LRRCC1: variants seen among roughly 807,000 people sequenced by gnomAD.
LRRCC1 encodes leucine rich repeat and coiled-coil centrosomal protein 1.
LRRCC1 carries 115 observed loss-of-function variants against 126.0 expected under a neutral mutation model. That is an observed-to-expected ratio of 0.91 (90% CI 0.78 to 1.07). The LOEUF (loss-of-function observed/expected upper bound fraction) is 1.07. Ranked by LOEUF, LRRCC1 falls within the 50% of genes least tolerant of loss-of-function variation. LRRCC1 has a pLI of 0.00. For synonymous variants in LRRCC1, 400 were observed against 393.4 expected, an observed-to-expected ratio of 1.02 and a Z score of -0.20; for missense variants, 1,172 against 1,175.7, an observed-to-expected ratio of 1.00 and a Z score of 0.05.
At chr8:85,143,955 G>A (rs556025959) in intron 18 of LRRCC1, among the ~76,000 whole-genome samples, 2 of 152,238 alleles carry the variant, frequency 1.3e-5, no homozygotes, top group African/African-American at 4.8e-5. Flanking sequence ...AAGAGATTGA[G>A]AGATCTATAT....
At chr8:85,114,691 A>T (rs1022726089) in intron 4 of LRRCC1, among the ~76,000 whole-genome samples, 4 of 152,090 alleles carry the variant, frequency 2.6e-5, no homozygotes, top group African/African-American at 9.7e-5. Flanking sequence ...AAATTCTGGC[A>T]TTTTGGTCAT....
At chr8:85,142,513 C>A (rs1241771134) in intron 18 of LRRCC1, among the ~76,000 whole-genome samples, 1 of 152,066 alleles carries the variant, frequency 6.6e-6, no homozygotes, top group African/African-American at 2.4e-5. Flanking sequence ...AAAGAGTTCA[C>A]CAACAGAAAG....
chr8:85,110,159 A>ACTT lies in LRRCC1; in HGVS notation c.355_356insCTT (p.Asn119delinsThrTyr), dbSNP rs1808595262. The ACTT allele has an allele frequency of 7.5e-7, 1 of 1,329,728 alleles. No individual in the cohort carries two copies. Among genetic ancestry groups the ACTT allele is most frequent in the Non-Finnish European group, 1.0e-6 (1 of 964,710 alleles). The allele number at this position is 1,329,728 out of a possible 1,614,324, so 82.4% of individuals were successfully genotyped here. On this transcript the variant is annotated protein_altering_variant, in exon 3 of 19. Transcript: ENST00000360375. The stretch of plus-strand genomic sequence containing the variant: ...TCTGACTAGACTAAATGTATCTTAT[A>ACTT]ACCACATAGATGATCTTAGTGGTAA...
At position 85,138,057 on chromosome 8, in the gene LRRCC1, A is replaced by G; in HGVS notation, c.2516A>G (p.His839Arg). ...AAGTGTTTACAAGAAAAAGATGAAC[A>G]CATCAAAAGATTACAAGAAAAGATC... The part of the protein sequence containing the change: ...LKDCLQEKDE[H>R]IKRLQEKITE... Residue 839 changes from histidine (H) to arginine (R), a missense_variant, in exon 16 of 19, where the codon CAC (histidine) becomes CGC (arginine). Coordinates refer to ENST00000360375, the MANE Select transcript of LRRCC1 (RefSeq NM_033402.5). 1.3e-6 allele frequency: 2 copies of G among 1,569,254 alleles called. No homozygotes were observed. The highest frequency in any genetic ancestry group is 1.9e-5 in the Admixed American group (1 of 52,258).
Position 85,123,416 on chromosome 8 carries a change from T to A in LRRCC1, c.934T>A (p.Ser312Thr), listed in dbSNP as rs1809719335. The A allele has an allele frequency of 6.3e-7, 1 of 1,581,516 alleles. No homozygotes were observed. The highest frequency in any genetic ancestry group is 8.5e-7 in the Non-Finnish European group (1 of 1,170,302). Residue 312 changes from serine (S) to threonine (T), a missense_variant, in exon 7 of 19, where the codon TCT becomes ACT. By Grantham distance (58) the Ser-to-Thr change is moderately conservative. Transcript: ENST00000360375. Reference sequence around the variant, plus strand: ...TTGTTGGCTTTTTAAATTTTAGACTTCTAATTCAATAGATAACGTTCTTGA... The same window carrying A: ...TTGTTGGCTTTTTAAATTTTAGACTACTAATTCAATAGATAACGTTCTTGA... ...DQILQLLNET[S>T]NSIDNVLEKD...
chr8:85,145,376 C>T lies in LRRCC1; in HGVS notation c.2977-13C>T. ...TTAAGAAATTAAAATGTAAAATTTA[C>T]ATGTCGATTTAGGTCCATCAAATTG... On this transcript the variant is annotated splice_polypyrimidine_tract_variant and intron_variant, in intron 18 of 18. Coordinates refer to ENST00000360375, the MANE Select transcript of LRRCC1 (RefSeq NM_033402.5). 1 of 1,445,246 alleles carries T rather than the reference C, an allele frequency of 6.9e-7. No individual in the cohort carries two copies. The highest frequency in any genetic ancestry group is 2.7e-5 in the Admixed American group (1 of 36,702). 89.5% of individuals were successfully genotyped at this position (1,445,246 alleles called of 1,614,324 possible).
chr8:85,138,278 A>T, intron 16 of LRRCC1, 35 bp downstream of exon 16: 3 of 1,580,340 alleles, frequency 1.9e-6, no homozygotes, highest in South Asian at 1.2e-5. Flanking sequence ...ACTGAGAAAT[A>T]AAATGTGGCT....
intron 7 of LRRCC1, among the ~76,000 whole-genome samples, chr8:85,124,262 GTTGA>G (rs1809790202): frequency 6.6e-6 from 1 of 152,022 alleles, no homozygotes; most frequent in Admixed American, 6.6e-5. Context: ...TTGTTTTGTT[GTTGA>G]TTAATTCTTC....
At position 85,139,742 on chromosome 8, in the gene LRRCC1, T is replaced by C. The variant is rs562534598; in HGVS notation, c.2840+1267T>C. Among the ~76,000 whole-genome samples the C allele has an allele frequency of 3.9e-5, 6 of 152,360 alleles. No individual in the cohort carries two copies. The East Asian group carries it at 1.2e-3, about 29-fold the overall frequency. On this transcript the variant is annotated intron_variant, in intron 17 of 18. Coordinates refer to ENST00000360375, the MANE Select transcript of LRRCC1 (RefSeq NM_033402.5). ...GAATTAAGTAGCACAGCTTAATGAT[T>C]AATTCTCGTGTGAAGATAGAGTGAT...
intron 18 of LRRCC1, among the ~76,000 whole-genome samples, chr8:85,144,196 A>T (rs1283377881): frequency 1.3e-5 from 2 of 152,024 alleles, no homozygotes; most frequent in Non-Finnish European, 2.9e-5. Context: ...TACATTAAAG[A>T]TAGGGTTTCT....
At chr8:85,134,104 G>A (rs1810687129) in intron 12 of LRRCC1, among the ~76,000 whole-genome samples, 2 of 152,118 alleles carry the variant, frequency 1.3e-5, no homozygotes, top group South Asian at 2.1e-4. Context: ...CCTCCTTCCA[G>A]TCATTGCTCC....
intron 9 of LRRCC1, 45 bp from the exon 10 acceptor site, chr8:85,129,130 T>C: frequency 4.4e-6 from 6 of 1,368,428 alleles, no homozygotes; most frequent in Non-Finnish European, 6.1e-6. Flanking sequence ...TTTATCATTT[T>C]TATATGTGTA....
At chr8:85,129,603 G>A (rs1810291810) in intron 10 of LRRCC1, among the ~76,000 whole-genome samples, 2 of 152,210 alleles carry the variant, frequency 1.3e-5, no homozygotes, top group Non-Finnish European at 2.9e-5. Flanking sequence ...TGGAAATGTT[G>A]CAGGTGGTTA....
At chr8:85,126,890 CT>C in intron 9 of LRRCC1, 53 bp downstream of exon 9, 1 of 1,441,422 alleles carries the variant, frequency 6.9e-7, no homozygotes, top group African/African-American at 1.4e-5. Flanking sequence ...ACAATACTGA[CT>C]TTAGAACTGG....
At chr8:85,129,075 C>A in intron 9 of LRRCC1, 100 bp from the exon 10 acceptor site, 1 of 862,616 alleles carries the variant, frequency 1.2e-6, no homozygotes, top group Non-Finnish European at 1.9e-6. Context: ...AGAGCATGAA[C>A]AAAGGAAGAC....
rs1012952471 is a variant in LRRCC1 at position 85,107,505 on chromosome 8, G to A, written c.104+106G>A. ...TGGAGGCGCGGCACTGCTTTACCAA[G>A]ACCATAAGTGAACGCAGTCTGGCTT... On this transcript the variant is annotated intron_variant, in intron 1 of 18. Transcript: ENST00000360375. The A allele has an allele frequency of 1.5e-4, 143 of 946,772 alleles. No homozygotes were observed. In the African/African-American group the frequency reaches 2.0e-3, roughly 13 times the overall value. The allele number at this position is 946,772 out of a possible 1,614,324, so 58.6% of individuals were successfully genotyped here. A position where few individuals can be genotyped will look rare whatever the true frequency, so the allele number is the denominator to read the frequency against.
In LRRCC1 at chr8:85,115,082, G is replaced by T; in HGVS notation, c.545-18G>T. The T allele has an allele frequency of 6.6e-7, 1 of 1,518,916 alleles. No individual in the cohort carries two copies. The highest frequency in any genetic ancestry group is 8.8e-7 in the Non-Finnish European group (1 of 1,133,356). 94.1% of individuals were successfully genotyped at this position (1,518,916 alleles called of 1,614,324 possible). ...TTTTTAATATTTCAGTTTTCATTTT[G>T]AATGATTTGTTTCCAAGGGTACAGA... On this transcript the variant is annotated intron_variant, in intron 4 of 18. Transcript: ENST00000360375.
intron 10 of LRRCC1, 83 bp downstream of exon 10, chr8:85,129,462 A>G (rs961992488): frequency 4.2e-5 from 50 of 1,199,268 alleles, no homozygotes; most frequent in Non-Finnish European, 5.7e-5. Context: ...TACTACCTAG[A>G]AAACCTAAAA....
chr8:85,145,648 CTT>C lies in LRRCC1; in HGVS notation c.*140_*141del, dbSNP rs1811627508. 4.8e-6 allele frequency: 3 copies of C among 627,650 alleles called. No individual in the cohort carries two copies. The Admixed American group carries it at 1.5e-4, about 30-fold the overall frequency. 38.9% of individuals were successfully genotyped at this position (627,650 alleles called of 1,614,324 possible). On this transcript the variant is annotated 3_prime_UTR_variant, in exon 19 of 19. Transcript: ENST00000360375. ...TTCATTATGAATATATTTTTAAAGACTTTTGATCAAGTATTTATTAATTGTAT... is the reference window on the plus strand; with the variant it reads ...TTCATTATGAATATATTTTTAAAGACTTGATCAAGTATTTATTAATTGTAT...
Sources: allele counts gnomAD v4.1 joint callset (sites outside exome capture counted in the v4.1 genomes callset), GRCh38; gene constraint gnomAD v4.1.1; transcripts MANE v1.5; gene names NCBI Gene and HGNC (gene_info 2026-07-23, HGNC 2026-07-21).